The following ABCG1 variants were observed in gnomAD, a reference collection of about 807,000 sequenced individuals.
ABCG1 encodes ATP binding cassette subfamily G member 1.
Under a neutral mutation model 69.2 loss-of-function variants are expected in ABCG1, and 29 were observed. The ratio of observed to expected loss-of-function variants is 0.42; its 90% CI spans 0.31 to 0.57. ABCG1 has a LOEUF of 0.57. Ranked by LOEUF, ABCG1 falls within the 20% of genes least tolerant of loss-of-function variation. ABCG1 has a pLI of 0.15. For missense variants in ABCG1, 718 were observed against 898.1 expected (o/e 0.80, Z 2.56); for synonymous variants, 370 against 374.8 (o/e 0.99, Z 0.15).
chr21:42,250,678 G>A (rs776208334), intron 2 of ABCG1, among the ~76,000 whole-genome samples: 1 of 152,248 alleles, frequency 6.6e-6, no homozygotes, highest in African/African-American at 2.4e-5. Context: ...GAACTTGCCT[G>A]TGTGAGGTCA....
In ABCG1 at chr21:42,239,530, G is replaced by A. The variant is rs149977111; in HGVS notation, c.286+13616G>A. 4.3e-3 allele frequency among the ~76,000 whole-genome samples: 656 copies of A among 152,352 alleles called. 2 individuals are homozygous for A. The highest frequency in any genetic ancestry group is 0.015 in the African/African-American group (625 of 41,578). Reference sequence around the variant, plus strand: ...GTGTTTCCTAGGCGCCGGGCAGTGTGCTCAGAGCCTCACACCTATGTGCTC... The same window carrying A: ...GTGTTTCCTAGGCGCCGGGCAGTGTACTCAGAGCCTCACACCTATGTGCTC... On this transcript the variant is annotated intron_variant, in intron 2 of 14. Transcript: ENST00000398449.
At chr21:42,268,388 T>TGTGTGTGTGTGC (rs57264459) in intron 2 of ABCG1, among the ~76,000 whole-genome samples, 7,637 of 109,928 alleles carry the variant, frequency 0.069, 278 homozygotes, top group Non-Finnish European at 0.11. Flanking sequence ...TGTGTGTGTG[T>TGTGTGTGTGTGC]GCGCGCGCGC....
At chr21:42,234,475 TTGTC>T (rs1180571343) in intron 2 of ABCG1, among the ~76,000 whole-genome samples, 3 of 152,190 alleles carry the variant, frequency 2.0e-5, no homozygotes, top group Non-Finnish European at 4.4e-5. Context: ...CCTCTGTCCT[TTGTC>T]TGGAGCTCCC....
intron 2 of ABCG1, among the ~76,000 whole-genome samples, chr21:42,261,805 C>T (rs375437132): frequency 1.3e-3 from 194 of 152,318 alleles, no homozygotes; most frequent in African/African-American, 4.3e-3. Context: ...ACTTAACTCA[C>T]GGAGAGGTCA....
At position 42,287,442 on chromosome 21, in the gene ABCG1, C is replaced by T. The variant is rs1481228083; in HGVS notation, c.974-447C>T. On this transcript the variant is annotated intron_variant, in intron 8 of 14. Coordinates refer to ENST00000398449, the MANE Select transcript of ABCG1 (RefSeq NM_016818.3). The surrounding 1 kb of genome is among the most constrained non-coding windows in gnomAD (Gnocchi z 6.2). ...CCAGCCACTCATGTGGCGATGGGCA[C>T]GTCCTTCTCTGCCATCTTGTAGAAC... 2.0e-5 allele frequency among the ~76,000 whole-genome samples: 3 copies of T among 152,190 alleles called. No individual in the cohort carries two copies. The highest frequency in any genetic ancestry group is 1.3e-4 in the Admixed American group (2 of 15,286).
At chr21:42,203,754 A>T (rs2067523605) in intron 2 of ABCG1, among the ~76,000 whole-genome samples, 1 of 152,200 alleles carries the variant, frequency 6.6e-6, no homozygotes, top group Non-Finnish European at 1.5e-5. Flanking sequence ...CTTTCTTTAA[A>T]TTTTAGACTA....
intron 2 of ABCG1, chr21:42,255,969 CTT>C: frequency 9.4e-6 from 3 of 320,698 alleles, no homozygotes; most frequent in Non-Finnish European, 1.7e-5. Flanking sequence ...TAGGACATCT[CTT>C]TGTGTCCCCC....
chr21:42,253,022 G>A (rs1189287115), intron 2 of ABCG1, among the ~76,000 whole-genome samples: 1 of 152,126 alleles, frequency 6.6e-6, no homozygotes, highest in Non-Finnish European at 1.5e-5. Context: ...TCCCAGTCTC[G>A]GCACGCCTGG....
intron 2 of ABCG1, among the ~76,000 whole-genome samples, chr21:42,263,813 G>A (rs1351445107): frequency 6.6e-6 from 1 of 152,200 alleles, no homozygotes; most frequent in Non-Finnish European, 1.5e-5. Context: ...TGATGGCTCT[G>A]GTCCCAAAGG....
At chr21:42,250,164 A>C (rs2068197380) in intron 2 of ABCG1, among the ~76,000 whole-genome samples, 1 of 151,938 alleles carries the variant, frequency 6.6e-6, no homozygotes, top group African/African-American at 2.4e-5. Flanking sequence ...ACTCTTGGGG[A>C]CAGGAGGAGA....
At chr21:42,237,727 T>C (rs2067997688) in intron 2 of ABCG1, among the ~76,000 whole-genome samples, 1 of 152,236 alleles carries the variant, frequency 6.6e-6, no homozygotes, top group Non-Finnish European at 1.5e-5. Flanking sequence ...CTTGAGATGC[T>C]GGGCTGTTTT....
chr21:42,280,612 C>T (rs892806657), intron 5 of ABCG1, among the ~76,000 whole-genome samples: 5 of 152,254 alleles, frequency 3.3e-5, no homozygotes, highest in African/African-American at 1.2e-4. Flanking sequence ...GGTGGCATCA[C>T]TCCTGAGCGG....
intron 5 of ABCG1, among the ~76,000 whole-genome samples, chr21:42,280,609 T>C (rs2068790394): frequency 6.6e-6 from 1 of 152,214 alleles, no homozygotes; most frequent in Non-Finnish European, 1.5e-5. Context: ...CTGGGTGGCA[T>C]CACTCCTGAG....
intron 5 of ABCG1, among the ~76,000 whole-genome samples, chr21:42,279,527 C>T (rs769973796): frequency 4.6e-5 from 7 of 152,224 alleles, no homozygotes; most frequent in Non-Finnish European, 8.8e-5. Context: ...TCACCTGTAA[C>T]GTGGGGACAG....
chr21:42,243,447 C>CGCGTGT (rs1491513255), intron 2 of ABCG1, among the ~76,000 whole-genome samples: 1 of 81,512 alleles, frequency 1.2e-5, no homozygotes, highest in Non-Finnish European at 2.4e-5. Context: ...TGTGTGTGCG[C>CGCGTGT]GTGTGTGTGT....
At chr21:42,205,432 C>G (rs1163607291) in intron 2 of ABCG1, among the ~76,000 whole-genome samples, 1 of 151,980 alleles carries the variant, frequency 6.6e-6, no homozygotes, top group African/African-American at 2.4e-5. Context: ...AAACCTGTCT[C>G]TACTAAAAAT....
At chr21:42,284,822 C>T in intron 7 of ABCG1, 139 bp downstream of exon 7, 4 of 1,171,704 alleles carry the variant, frequency 3.4e-6, no homozygotes, top group South Asian at 2.9e-5. Flanking sequence ...TACCCACAGC[C>T]TTCTGTTAGC....
At chr21:42,261,810 A>C (rs1314750660) in intron 2 of ABCG1, among the ~76,000 whole-genome samples, 2 of 152,164 alleles carry the variant, frequency 1.3e-5, no homozygotes, top group Non-Finnish European at 2.9e-5. Context: ...ACTCACGGAG[A>C]GGTCAGAACG....
chr21:42,254,338 C>A (rs1308470688), intron 2 of ABCG1, among the ~76,000 whole-genome samples: 1 of 152,214 alleles, frequency 6.6e-6, no homozygotes, highest in East Asian at 1.9e-4. Flanking sequence ...ATCAGCTGTT[C>A]TCCTGGCGCC....
Sources: gnomAD v4.1 joint callset for allele counts (sites outside exome capture counted in the v4.1 genomes callset) on GRCh38, gnomAD v4.1.1 for gene constraint, Gnocchi (gnomAD v3.1) non-coding constraint, MANE v1.5 for transcripts, NCBI Gene and HGNC (gene_info 2026-07-23, HGNC 2026-07-21) for gene names.